Variants in PGPEP1L observed in about 807,000 individuals in gnomAD.
The protein encoded by PGPEP1L is pyroglutamyl-peptidase I like.
PGPEP1L carries 7 observed loss-of-function variants against 6.0 expected under a neutral mutation model. That is an observed-to-expected ratio of 1.17 (90% CI 0.66 to 2.19). The LOEUF (loss-of-function observed/expected upper bound fraction) is 2.19, where lower values mean the gene tolerates loss of function less well. Ranked by LOEUF, PGPEP1L falls within the 30% of genes most tolerant of loss-of-function variation. PGPEP1L has a pLI of 0.00. For missense variants in PGPEP1L, 209 were observed against 192.5 expected, an observed-to-expected ratio of 1.09 and a Z score of -0.51; for synonymous variants, 103 against 83.9, an observed-to-expected ratio of 1.23 and a Z score of -1.24.
chr15:99,001,704 TTG>T (rs879997118), intron 2 of PGPEP1L, among the ~76,000 whole-genome samples: 64 of 150,748 alleles, frequency 4.2e-4, no homozygotes, highest in Admixed American at 3.4e-3. Flanking sequence ...ATTTATATAT[TTG>T]TGTTTTTTAT....
chr15:98,984,482 C>T (rs2017718429), intron 2 of PGPEP1L, among the ~76,000 whole-genome samples: 1 of 152,104 alleles, frequency 6.6e-6, no homozygotes, highest in Non-Finnish European at 1.5e-5. Flanking sequence ...ACCCTAGAGA[C>T]AGTGAGACGC....
At chr15:98,975,422 A>G (rs1567235384) in intron 2 of PGPEP1L, among the ~76,000 whole-genome samples, 2 of 152,230 alleles carry the variant, frequency 1.3e-5, no homozygotes, top group Non-Finnish European at 2.9e-5. Flanking sequence ...TAGGGTGACA[A>G]TAGTTAACAT....
At chr15:98,987,956 A>G (rs2017770742) in intron 2 of PGPEP1L, among the ~76,000 whole-genome samples, 1 of 152,204 alleles carries the variant, frequency 6.6e-6, no homozygotes, top group Non-Finnish European at 1.5e-5. Flanking sequence ...ACTCCAGCCC[A>G]GATACTGCGC....
intron 2 of PGPEP1L, among the ~76,000 whole-genome samples, chr15:99,003,019 A>T (rs1281274083): frequency 6.6e-6 from 1 of 152,218 alleles, no homozygotes; most frequent in African/African-American, 2.4e-5. Flanking sequence ...GTCTAGACCC[A>T]CAAACAGGGT....
intron 2 of PGPEP1L, among the ~76,000 whole-genome samples, chr15:98,986,129 G>A (rs2151761001): frequency 6.6e-6 from 1 of 152,296 alleles, no homozygotes; most frequent in Admixed American, 6.5e-5. Flanking sequence ...TGTGGCATAA[G>A]AGAGAGTATA....
At chr15:98,984,101 C>T (rs1362181595) in intron 2 of PGPEP1L, among the ~76,000 whole-genome samples, 1 of 149,752 alleles carries the variant, frequency 6.7e-6, no homozygotes, top group Non-Finnish European at 1.5e-5. Context: ...AGATCTGCTT[C>T]CCGGGTTCAC....
At chr15:98,998,509 T>C (rs544914206) in intron 2 of PGPEP1L, among the ~76,000 whole-genome samples, 9 of 152,206 alleles carry the variant, frequency 5.9e-5, no homozygotes, top group Admixed American at 3.3e-4. Context: ...CACATGAATA[T>C]GCCCAATTGT....
intron 2 of PGPEP1L, among the ~76,000 whole-genome samples, chr15:99,005,065 C>A (rs1360484142): frequency 6.6e-6 from 1 of 152,032 alleles, no homozygotes; most frequent in African/African-American, 2.4e-5. Flanking sequence ...TGAGCCTGCA[C>A]CCCCAAGGGA....
At chr15:98,996,898 C>T (rs1427778729) in intron 2 of PGPEP1L, among the ~76,000 whole-genome samples, 1 of 152,112 alleles carries the variant, frequency 6.6e-6, no homozygotes, top group African/African-American at 2.4e-5. Flanking sequence ...TGGCAATATG[C>T]CCCACCTGGT....
intron 3 of PGPEP1L, among the ~76,000 whole-genome samples, chr15:98,970,131 C>G (rs2017472664): frequency 6.6e-6 from 1 of 152,184 alleles, no homozygotes; most frequent in Non-Finnish European, 1.5e-5. Flanking sequence ...TCCCTGCAAC[C>G]TCTGCCTCCC....
intron 2 of PGPEP1L, among the ~76,000 whole-genome samples, chr15:99,000,112 G>A (rs2017940798): frequency 6.6e-6 from 1 of 152,248 alleles, no homozygotes; most frequent in Non-Finnish European, 1.5e-5. Flanking sequence ...AATTCCGGGT[G>A]GGCGTGGGCT....
intron 2 of PGPEP1L, among the ~76,000 whole-genome samples, chr15:98,985,462 C>A (rs146449241): frequency 3.3e-5 from 5 of 152,158 alleles, no homozygotes; most frequent in African/African-American, 1.2e-4. Context: ...TACTTGAACC[C>A]GGGAAGCGGA....
chr15:98,973,177 A>T (rs2017523970), intron 2 of PGPEP1L, among the ~76,000 whole-genome samples: 1 of 152,226 alleles, frequency 6.6e-6, no homozygotes, highest in Non-Finnish European at 1.5e-5. Context: ...TTATAAATGT[A>T]TATGCACCTG....
At position 98,979,633 on chromosome 15, in the gene PGPEP1L, CTTTTTTTTTTTTT is replaced by C. The variant is rs568793204; in HGVS notation, c.-141-8488_-141-8476del. 2.8e-4 allele frequency among the ~76,000 whole-genome samples: 13 copies of C among 46,510 alleles called. No individual in the cohort carries two copies. The East Asian group carries it at 4.1e-3, about 15-fold the overall frequency. The allele number at this position is 46,510 out of a possible 152,430, so 30.5% of individuals were successfully genotyped here. A position where few individuals can be genotyped will look rare whatever the true frequency, so the allele number is the denominator to read the frequency against. ...AACCTGGATGGGATTGGAGACTATT[CTTTTTTTTTTTTT>C]TTTTTTTTTTTTTTTTTTTTTGGAG... On this transcript the variant is annotated intron_variant, in intron 2 of 4. Transcript: ENST00000535714.
At chr15:98,997,696 T>C (rs191404503) in intron 2 of PGPEP1L, among the ~76,000 whole-genome samples, 1 of 152,310 alleles carries the variant, frequency 6.6e-6, no homozygotes, top group East Asian at 1.9e-4. Flanking sequence ...TACTTACCTC[T>C]TTGGGTCCTC....
chr15:99,000,806 G>A (rs1388702911), intron 2 of PGPEP1L, among the ~76,000 whole-genome samples: 1 of 151,894 alleles, frequency 6.6e-6, no homozygotes, highest in Non-Finnish European at 1.5e-5. Flanking sequence ...CCAGATAAGA[G>A]AAAAAAAAGC....
chr15:98,971,086 T>C lies in PGPEP1L; in HGVS notation c.-69A>G, dbSNP rs1388605158. On this transcript the variant is annotated 5_prime_UTR_variant, in exon 3 of 5. Transcript: ENST00000535714. ...CCGGTGACCCTCCGCTTAGCCTCCC[T>C]GTAATCTACAGGCAGCTCCAGAGTC... The C allele has an allele frequency of 3.7e-6, 6 of 1,613,296 alleles. No homozygotes were observed. Among genetic ancestry groups the C allele is most frequent in the Non-Finnish European group, 5.1e-6 (6 of 1,179,658 alleles).
intron 2 of PGPEP1L, among the ~76,000 whole-genome samples, chr15:98,998,342 C>A (rs2017916129): frequency 6.6e-6 from 1 of 152,168 alleles, no homozygotes; most frequent in Non-Finnish European, 1.5e-5. Flanking sequence ...ACTGTGCCAA[C>A]CTGGGAGCAT....
chr15:98,972,826 G>A (rs1188785227), intron 2 of PGPEP1L, among the ~76,000 whole-genome samples: 4 of 130,088 alleles, frequency 3.1e-5, no homozygotes, highest in Admixed American at 2.9e-4. Flanking sequence ...AGCAGAGACC[G>A]TGCACCACTG....
Sources: allele counts gnomAD v4.1 joint callset (sites outside exome capture counted in the v4.1 genomes callset), GRCh38; gene constraint gnomAD v4.1.1; transcripts MANE v1.5; gene names NCBI Gene and HGNC (gene_info 2026-07-23, HGNC 2026-07-21).